The following R3HDM1 variants were observed in gnomAD, a reference collection of about 807,000 sequenced individuals.
R3HDM1 encodes R3H domain containing 1.
In R3HDM1, 46 loss-of-function variants were observed where a neutral mutation model predicts 141.1. The observed-to-expected ratio is 0.33, with a 90% CI of 0.26 to 0.42. The LOEUF is 0.42. R3HDM1 is among the 10% of genes least tolerant of loss of function. R3HDM1 has a pLI of 1.00. For synonymous variants in R3HDM1, 435 were observed against 472.9 expected (o/e 0.92, Z 1.04); for missense variants, 1,184 against 1,368.3 (o/e 0.87, Z 2.12).
chr2:135,691,817 T>TA (rs997841924), intron 21 of R3HDM1, among the ~76,000 whole-genome samples: 2 of 151,978 alleles, frequency 1.3e-5, no homozygotes, highest in Non-Finnish European at 2.9e-5. Flanking sequence ...AAAACATATA[T>TA]AAATATCTGG....
chr2:135,613,321 T>C (rs1293062308), intron 3 of R3HDM1, among the ~76,000 whole-genome samples: 6 of 152,214 alleles, frequency 3.9e-5, no homozygotes, highest in Non-Finnish European at 7.3e-5. Context: ...AGGCTGCTCA[T>C]AGTCCTCCTT....
At chr2:135,628,577 T>G (rs2062288780) in intron 7 of R3HDM1, among the ~76,000 whole-genome samples, 1 of 152,206 alleles carries the variant, frequency 6.6e-6, no homozygotes, top group African/African-American at 2.4e-5. Context: ...TCAATTTAAA[T>G]GTACTGTTTT....
intron 1 of R3HDM1, among the ~76,000 whole-genome samples, chr2:135,569,274 G>A: frequency 6.6e-6 from 1 of 152,008 alleles, no homozygotes; most frequent in Non-Finnish European, 1.5e-5. Flanking sequence ...CACAAGGTCA[G>A]GAGTTCGAGA....
intron 21 of R3HDM1, among the ~76,000 whole-genome samples, chr2:135,703,752 C>T (rs1016722063): frequency 6.6e-6 from 1 of 152,024 alleles, no homozygotes; most frequent in African/African-American, 2.4e-5. Context: ...CAAAAAATGA[C>T]ACATTAAAGA....
chr2:135,615,506 C>T (rs962379683), intron 3 of R3HDM1, among the ~76,000 whole-genome samples: 4 of 152,124 alleles, frequency 2.6e-5, no homozygotes, highest in African/African-American at 4.8e-5. Flanking sequence ...TTTGCCTTAC[C>T]GCATTCTCCA....
At chr2:135,554,413 G>C (rs1700353357) in intron 1 of R3HDM1, among the ~76,000 whole-genome samples, 1 of 152,154 alleles carries the variant, frequency 6.6e-6, no homozygotes, top group Non-Finnish European at 1.5e-5. Flanking sequence ...TTCATCAGTT[G>C]GTGGATATTT....
intron 15 of R3HDM1, 62 bp from the exon 16 acceptor site, chr2:135,645,316 TA>T: frequency 7.2e-7 from 1 of 1,380,850 alleles, no homozygotes; most frequent in South Asian, 1.4e-5. Flanking sequence ...AAATTGTTAG[TA>T]AAAGGACCTA....
rs200816941 is a variant in R3HDM1 at position 135,618,164 on chromosome 2, ATT to A, written c.303+1422_303+1423del. Among the ~76,000 whole-genome samples the A allele has an allele frequency of 2.5e-3, 346 of 141,008 alleles. 2 individuals carry two copies. Among genetic ancestry groups the A allele is most frequent in the African/African-American group, 7.7e-3 (295 of 38,322 alleles). The allele number at this position is 141,008 out of a possible 152,430, so 92.5% of individuals were successfully genotyped here. A position where few individuals can be genotyped will look rare whatever the true frequency, so the allele number is the denominator to read the frequency against. ...ACATAGGGCTGAAAATTAATTTATG[ATT>A]TTTTTTTTTTTTTTGAGACGGAGTT... On this transcript the variant is annotated intron_variant, in intron 5 of 26. Coordinates refer to ENST00000683871, the MANE Select transcript of R3HDM1 (RefSeq NM_001378107.1).
At chr2:135,692,719 T>A (rs1009649439) in intron 21 of R3HDM1, among the ~76,000 whole-genome samples, 1 of 152,174 alleles carries the variant, frequency 6.6e-6, no homozygotes, top group Non-Finnish European at 1.5e-5. Flanking sequence ...AGTAGCGGTC[T>A]TTGAAGTGAA....
chr2:135,685,867 A>G (rs1179584316), intron 21 of R3HDM1, among the ~76,000 whole-genome samples: 2 of 152,190 alleles, frequency 1.3e-5, no homozygotes, highest in Non-Finnish European at 2.9e-5. Context: ...TCTCATTTGT[A>G]AGACAGAAAT....
At chr2:135,587,873 C>T (rs552948121) in intron 1 of R3HDM1, among the ~76,000 whole-genome samples, 1 of 151,776 alleles carries the variant, frequency 6.6e-6, no homozygotes, top group East Asian at 1.9e-4. Flanking sequence ...CTTGATTTAT[C>T]TCATCTCTCC....
At chr2:135,656,233 G>A (rs1431812275) in intron 18 of R3HDM1, among the ~76,000 whole-genome samples, 1 of 152,010 alleles carries the variant, frequency 6.6e-6, no homozygotes, top group East Asian at 1.9e-4. Context: ...TTAAATGGTA[G>A]ATCTTTTTCT....
At chr2:135,699,171 T>A (rs1257720349) in intron 21 of R3HDM1, among the ~76,000 whole-genome samples, 1 of 151,596 alleles carries the variant, frequency 6.6e-6, no homozygotes. Context: ...TAGAAGACTT[T>A]AGGAGAAAAA....
rs112090627 is a variant in R3HDM1, at chr2:135,654,825, T to C, written c.2028+2793T>C. Among the ~76,000 whole-genome samples, 927 of 152,072 alleles carry C rather than the reference T, an allele frequency of 6.1e-3. 9 individuals carry two copies. The highest frequency in any genetic ancestry group is 0.041 in the South Asian group (195 of 4,806). ...TATGTAGGTACATGTATTTTTTTAA[T>C]ATCTCTTTTCAGTTTTTTGGAGTAT... On this transcript the variant is annotated intron_variant, in intron 18 of 26. Transcript: ENST00000683871.
intron 6 of R3HDM1, chr2:135,621,884 A>G (rs530745869): frequency 2.0e-6 from 2 of 976,002 alleles, no homozygotes; most frequent in Non-Finnish European, 2.4e-6. Flanking sequence ...TAAAGTCATT[A>G]TAATTTTTAT....
At chr2:135,561,062 C>G (rs1313090996) in intron 1 of R3HDM1, among the ~76,000 whole-genome samples, 1 of 152,182 alleles carries the variant, frequency 6.6e-6, no homozygotes, top group Admixed American at 6.5e-5. Context: ...AAAAGTCTTT[C>G]TGTTAATCCA....
At chr2:135,644,295 G>T (rs556744586) in intron 15 of R3HDM1, among the ~76,000 whole-genome samples, 2 of 152,294 alleles carry the variant, frequency 1.3e-5, no homozygotes, top group South Asian at 4.1e-4. Context: ...GTGAGGTCAG[G>T]AGTTCGAGAC....
chr2:135,655,160 C>T (rs894074846), intron 18 of R3HDM1, among the ~76,000 whole-genome samples: 7 of 151,976 alleles, frequency 4.6e-5, no homozygotes, highest in African/African-American at 1.7e-4. Flanking sequence ...GTTTTTAGCT[C>T]CTAGGTCATT....
At position 135,718,585 on chromosome 2, in the gene R3HDM1, A is replaced by G. The variant is rs372749749; in HGVS notation, c.2881+2891A>G. Among the ~76,000 whole-genome samples, 26 of 152,096 alleles carry G rather than the reference A, an allele frequency of 1.7e-4. No individual in the cohort carries two copies. In the East Asian group the frequency reaches 4.6e-3, roughly 27 times the overall value. On this transcript the variant is annotated intron_variant, in intron 24 of 26. Coordinates refer to ENST00000683871, the MANE Select transcript of R3HDM1 (RefSeq NM_001378107.1). ...ACAGCCTTAACCTCCCCGGGCTCAG[A>G]TGATCCTCCCACCTCAACCTCCTGA...
Sources: gnomAD v4.1 joint callset for allele counts (sites outside exome capture counted in the v4.1 genomes callset) on GRCh38, gnomAD v4.1.1 for gene constraint, MANE v1.5 for transcripts, NCBI Gene and HGNC (gene_info 2026-07-23, HGNC 2026-07-21) for gene names.